Variants in TENT5D observed in about 807,000 individuals in gnomAD.
The protein encoded by TENT5D is terminal nucleotidyltransferase 5D, also known as cancer/testis antigen 112.
For missense variants in TENT5D, 191 were observed against 287.0 expected, an observed-to-expected ratio of 0.67 and a Z score of 2.42; for synonymous variants, 103 against 100.6, an observed-to-expected ratio of 1.02 and a Z score of -0.15.
Position 80,369,459 on chromosome X carries a change from G to GA in TENT5D, c.-142+26901dup, listed in dbSNP as rs754525059. Among the ~76,000 whole-genome samples the GA allele has an allele frequency of 6.3e-5, 7 of 111,604 alleles. No individual in the cohort carries two copies. In the East Asian group the frequency reaches 1.7e-3, roughly 27 times the overall value. ...AATACAACAGTGAAAGATCAAGACA[G>GA]AAAAAATGCCAGATCCCTAACATTT... On this transcript the variant is annotated intron_variant, in intron 3 of 4. Coordinates refer to the TENT5D transcript ENST00000538312.
chrX:80,344,571 T>C (rs1026756150), intron 3 of TENT5D, among the ~76,000 whole-genome samples: 1 of 110,690 alleles, frequency 9.0e-6, no homozygotes, highest in African/African-American at 3.3e-5. Flanking sequence ...GAGCATTTTT[T>C]TCTTATGCTT....
intron 3 of TENT5D, among the ~76,000 whole-genome samples, chrX:80,346,207 A>G (rs1271595498): frequency 8.9e-6 from 1 of 111,945 alleles, no homozygotes; most frequent in Non-Finnish European, 1.9e-5. Context: ...TAAAAAGTGT[A>G]TTCTTTTTTA....
chrX:80,436,824 TCTA>T (rs1461987503), intron 1 of TENT5D, among the ~76,000 whole-genome samples: 1 of 111,951 alleles, frequency 8.9e-6, no homozygotes, highest in Admixed American at 9.5e-5. Context: ...GAAACACACT[TCTA>T]CTTTTAATTA....
intron 2 of TENT5D, among the ~76,000 whole-genome samples, chrX:80,337,664 G>A (rs899818644): frequency 1.3e-4 from 14 of 111,816 alleles, no homozygotes; most frequent in Non-Finnish European, 1.9e-4. Flanking sequence ...CATTTGGGTC[G>A]TTTCCAGTAA....
chrX:80,342,981 A>G (rs1929989290), intron 3 of TENT5D, among the ~76,000 whole-genome samples: 1 of 109,727 alleles, frequency 9.1e-6, no homozygotes, highest in African/African-American at 3.3e-5. Flanking sequence ...ATTCATCCTC[A>G]TTACAACTCT....
intron 3 of TENT5D, among the ~76,000 whole-genome samples, chrX:80,372,521 A>G (rs775843840): frequency 4.5e-5 from 5 of 111,379 alleles, no homozygotes; most frequent in Non-Finnish European, 9.4e-5. Context: ...TAAAATTTCT[A>G]GAGATCTCGT....
chrX:80,428,949 C>T (rs67060013), intron 1 of TENT5D, among the ~76,000 whole-genome samples: 11,939 of 111,257 alleles, frequency 0.11, 684 homozygotes, highest in African/African-American at 0.22. Context: ...GAGGCCTGGA[C>T]TGGGGAGGAG....
At chrX:80,408,117 T>A (rs1931546641) in intron 3 of TENT5D, among the ~76,000 whole-genome samples, 1 of 108,478 alleles carries the variant, frequency 9.2e-6, no homozygotes, top group African/African-American at 3.4e-5. Flanking sequence ...TAGAGGGAAA[T>A]TTGTAGCACT....
At chrX:80,358,921 G>A (rs1276080351) in intron 3 of TENT5D, among the ~76,000 whole-genome samples, 1 of 111,720 alleles carries the variant, frequency 9.0e-6, no homozygotes, top group East Asian at 2.8e-4. Flanking sequence ...GATTTGGATA[G>A]GTCAAGGGAT....
chrX:80,391,292 C>T (rs1357620036), intron 3 of TENT5D, among the ~76,000 whole-genome samples: 8 of 110,691 alleles, frequency 7.2e-5, no homozygotes, highest in East Asian at 2.8e-4. Context: ...TACATAGCTG[C>T]GATATACTAG....
At chrX:80,377,357 G>A (rs1020366249) in intron 3 of TENT5D, among the ~76,000 whole-genome samples, 2 of 110,942 alleles carry the variant, frequency 1.8e-5, no homozygotes, top group South Asian at 7.7e-4. Context: ...TTTACGTTAG[G>A]TATTTCTCCT....
chrX:80,407,589 C>T lies in TENT5D; in HGVS notation c.-141-31021C>T, dbSNP rs6622096. ...ATATGCACCCAATACAGGAGCACCC[C>T]GATTCATAAAGCAAGTCCTGAGTGA... On this transcript the variant is annotated intron_variant, in intron 3 of 4. Transcript: ENST00000538312. Among the ~76,000 whole-genome samples the T allele has an allele frequency of 2.4e-4, 25 of 102,944 alleles. No individual in the cohort carries two copies. The East Asian group carries it at 5.1e-3, about 21-fold the overall frequency. The allele number at this position is 102,944 out of a possible 115,157, so 89.4% of individuals were successfully genotyped here.
intron 3 of TENT5D, among the ~76,000 whole-genome samples, chrX:80,343,391 C>CTTTTTTTTTTT (rs775221687): frequency 1.6e-4 from 13 of 83,371 alleles, no homozygotes; most frequent in East Asian, 3.7e-4. Context: ...CATTTTATTT[C>CTTTTTTTTTTT]TTTTTTTTTT....
chrX:80,393,440 A>G (rs1237020638), intron 3 of TENT5D, among the ~76,000 whole-genome samples: 1 of 111,050 alleles, frequency 9.0e-6, no homozygotes, highest in East Asian at 2.8e-4. Context: ...TACATATTAC[A>G]AACTTGTATA....
At chrX:80,418,895 A>G (rs1374313394), upstream of TENT5D, among the ~76,000 whole-genome samples, 2 of 111,583 alleles carry the variant, frequency 1.8e-5, no homozygotes, top group Non-Finnish European at 3.8e-5. Context: ...ATGGCACCCT[A>G]CAAAATATCT....
At chrX:80,420,208 G>T (rs745807260), upstream of TENT5D, among the ~76,000 whole-genome samples, 14 of 110,647 alleles carry the variant, frequency 1.3e-4, no homozygotes, top group Admixed American at 1.4e-3. Flanking sequence ...GGTTTAACTG[G>T]TTATTTTCAC....
At chrX:80,338,509 A>G (rs1013092642) in intron 2 of TENT5D, among the ~76,000 whole-genome samples, 8 of 112,350 alleles carry the variant, frequency 7.1e-5, no homozygotes, top group African/African-American at 2.6e-4. Context: ...TAATTTTTTT[A>G]TGATTAATTA....
intron 3 of TENT5D, among the ~76,000 whole-genome samples, chrX:80,346,139 C>G (rs1930054494): frequency 8.9e-6 from 1 of 112,023 alleles, no homozygotes; most frequent in Non-Finnish European, 1.9e-5. Context: ...TGTTATGTGA[C>G]TGGCTTCTTT....
At chrX:80,432,404 C>T (rs1028200758) in intron 1 of TENT5D, among the ~76,000 whole-genome samples, 2 of 111,084 alleles carry the variant, frequency 1.8e-5, no homozygotes, top group Non-Finnish European at 3.8e-5. Context: ...CACGTGAGGG[C>T]AAAGGGGGAT....
Sources: allele counts gnomAD v4.1 joint callset (sites outside exome capture counted in the v4.1 genomes callset), GRCh38; gene constraint gnomAD v4.1.1; transcripts MANE v1.5; gene names NCBI Gene and HGNC (gene_info 2026-07-23, HGNC 2026-07-21).